TUBE1: variants seen among roughly 807,000 people sequenced by gnomAD.
The protein encoded by TUBE1 is tubulin epsilon 1.
A neutral mutation model predicts 53.5 loss-of-function variants in TUBE1; 34 were observed. The observed-to-expected ratio is 0.64, with a 90% confidence interval of 0.48 to 0.85. TUBE1 has a LOEUF of 0.85. Ranked by LOEUF, TUBE1 falls within the 40% of genes least tolerant of loss-of-function variation. TUBE1 has a pLI of 0.00. For missense variants in TUBE1, 532 were observed against 570.5 expected, an observed-to-expected ratio of 0.93 and a Z score of 0.69; for synonymous variants, 177 against 198.4, an observed-to-expected ratio of 0.89 and a Z score of 0.91.
intron 2 of TUBE1, 77 bp from the exon 3 acceptor site, chr6:112,086,685 A>C (rs782002051): frequency 1.1e-6 from 1 of 943,684 alleles, no homozygotes; most frequent in Non-Finnish European, 1.7e-6. Context: ...TTTTAATTAC[A>C]TAATACTGTA....
chr6:112,074,656 T>C (rs1776924756), intron 9 of TUBE1, 54 bp downstream of exon 9: 3 of 1,340,256 alleles, frequency 2.2e-6, no homozygotes, highest in Non-Finnish European at 2.9e-6. Flanking sequence ...CTCTTAAAAA[T>C]GTTTTTTAAA....
chr6:112,082,361 T>C (rs1777084426), intron 4 of TUBE1, among the ~76,000 whole-genome samples: 1 of 152,156 alleles, frequency 6.6e-6, no homozygotes, highest in Non-Finnish European at 1.5e-5. Context: ...GACTTCACTG[T>C]ATGGGCAAAT....
chr6:112,087,064 T>C (rs1777173027), intron 2 of TUBE1, 169 bp downstream of exon 2: 2 of 639,120 alleles, frequency 3.1e-6, no homozygotes, highest in East Asian at 5.6e-5. Context: ...AGTGTTCTTT[T>C]AGTTTAGTGT....
chr6:112,075,922 C>T lies in TUBE1; in HGVS notation c.812+15G>A. On this transcript the variant is annotated intron_variant, in intron 8 of 11. Transcript: ENST00000368662. The stretch of plus-strand genomic sequence containing the variant: ...AGCACAATAAAGTTTTTTGACTATC[C>T]CTGGATAGAATTACCTCGTTAGGTT... 2 of 1,583,314 alleles carry T rather than the reference C, an allele frequency of 1.3e-6. No individual in the cohort carries two copies. Among genetic ancestry groups the T allele is most frequent in the Non-Finnish European group, 1.7e-6 (2 of 1,163,476 alleles).
intron 6 of TUBE1, chr6:112,077,418 A>C (rs1268082006): frequency 6.6e-6 from 1 of 152,220 alleles, no homozygotes; most frequent in Non-Finnish European, 1.5e-5. Context: ...GATGTTTTTC[A>C]AACTGGGTTC....
At chr6:112,071,654 TA>T (rs1583590687) in intron 11 of TUBE1, 84 bp from the exon 12 acceptor site, 4 of 1,191,652 alleles carry the variant, frequency 3.4e-6, no homozygotes. Context: ...TATTCCTTAT[TA>T]AAATTAGAGT....
rs782450521 is a variant in TUBE1 at position 112,074,702 on chromosome 6, C to T, written c.953+8G>A. ...GCCTCAAAAAATTGAAACAAAGTTA[C>T]ACCTTACCTTCTAGGAGGAATGTTA... On this transcript the variant is annotated splice_region_variant and intron_variant, in intron 9 of 11. Coordinates refer to ENST00000368662, the MANE Select transcript of TUBE1 (RefSeq NM_016262.5). The T allele has an allele frequency of 1.3e-6, 2 of 1,490,508 alleles. No homozygotes were observed. The highest frequency in any genetic ancestry group is 2.9e-5 in the South Asian group (2 of 69,870). The allele number at this position is 1,490,508 out of a possible 1,614,324, so 92.3% of individuals were successfully genotyped here.
chr6:112,084,419 A>G (rs1554317105), intron 3 of TUBE1, among the ~76,000 whole-genome samples, 173 bp from the exon 4 acceptor site: 2 of 152,230 alleles, frequency 1.3e-5, no homozygotes, highest in Non-Finnish European at 2.9e-5. Context: ...TTAGGCTGAA[A>G]AAGTGAGGTA....
At chr6:112,072,932 A>G in intron 9 of TUBE1, 34 bp from the exon 10 acceptor site, 2 of 1,605,878 alleles carry the variant, frequency 1.2e-6, no homozygotes, top group South Asian at 2.2e-5. Flanking sequence ...TTTATACAAA[A>G]TATTACTTCT....
At position 112,071,377 on chromosome 6, in the gene TUBE1, G is replaced by A. The variant is rs199771192; in HGVS notation, c.*35C>T. 5.1e-5 allele frequency: 74 copies of A among 1,441,206 alleles called. No homozygotes were observed. Among genetic ancestry groups the A allele is most frequent in the Non-Finnish European group, 6.5e-5 (70 of 1,082,130 alleles). 89.3% of individuals were successfully genotyped at this position (1,441,206 alleles called of 1,614,324 possible). On this transcript the variant is annotated 3_prime_UTR_variant, in exon 12 of 12. Coordinates refer to ENST00000368662, the MANE Select transcript of TUBE1 (RefSeq NM_016262.5). ...AAACAGAAAGGTCAGAAAAAACAAT[G>A]TGAAATTAAGAAAGTATTTTTGAGG...
chr6:112,072,832 GTGTT>G lies in TUBE1; in HGVS notation c.1016_1019del (p.Lys339ThrfsTer27). On this transcript the variant is annotated frameshift_variant, in exon 10 of 12. Transcript: ENST00000368662. LOFTEE classifies it high-confidence loss of function. The stretch of plus-strand genomic sequence containing the variant: ...TGAGTGCACAGGCGAGGTAAAGACT[GTGTT>G]TGGGGTCTGCCCGAAGCAGCTGGTG... The G allele has an allele frequency of 6.2e-7, 1 of 1,613,688 alleles. No homozygotes were observed. Among genetic ancestry groups the G allele is most frequent in the Non-Finnish European group, 8.5e-7 (1 of 1,179,744 alleles).
rs782762294 is a variant in TUBE1 at position 112,087,297 on chromosome 6, C to T, written c.35G>A (p.Cys12Tyr). 5 of 1,552,608 alleles carry T rather than the reference C, an allele frequency of 3.2e-6. No individual in the cohort carries two copies. The South Asian group carries it at 5.9e-5, about 18-fold the overall frequency. Residue 12 changes from cysteine (C) to tyrosine (Y), a missense_variant, in exon 2 of 12, where the codon TGC becomes TAC. Physicochemically the swap from Cys to Tyr is radical, Grantham distance 194. Coordinates refer to ENST00000368662, the MANE Select transcript of TUBE1 (RefSeq NM_016262.5). ...TQSVVVQVGQ[C>Y]GNQIGCCFWD... ...GAAGCAGCAGCCGATCTGGTTTCCG[C>T]ACTGGCCGACTGCGACCGGAGGAGA...
intron 6 of TUBE1, 68 bp from the exon 7 acceptor site, chr6:112,076,577 C>CT: frequency 7.1e-7 from 1 of 1,417,344 alleles, no homozygotes; most frequent in South Asian, 1.5e-5. Context: ...GAATTTGAAA[C>CT]TTTATTTTTT....
chr6:112,072,844 T>TG lies in TUBE1; in HGVS notation c.1007dup (p.Asp337ArgfsTer15). Reference sequence around the variant, plus strand: ...CGAGGTAAAGACTGTGTTTGGGGTCTGCCCGAAGCAGCTGGTGATCTTTAC... The same window carrying TG: ...CGAGGTAAAGACTGTGTTTGGGGTCTGGCCCGAAGCAGCTGGTGATCTTTAC... On this transcript the variant is annotated frameshift_variant, in exon 10 of 12. Transcript: ENST00000368662. LOFTEE classifies it high-confidence loss of function. 1 of 1,613,712 alleles carries TG rather than the reference T, an allele frequency of 6.2e-7. No individual in the cohort carries two copies. The highest frequency in any genetic ancestry group is 8.5e-7 in the Non-Finnish European group (1 of 1,179,758).
In TUBE1 at chr6:112,071,593, A is replaced by T; in HGVS notation, c.1270-23T>A. ...AGCCTATAAATTAAAAAATTAGGTAACGTTTACCATTTCAGGAACTTTAAT... is the reference window on the plus strand; with the variant it reads ...AGCCTATAAATTAAAAAATTAGGTATCGTTTACCATTTCAGGAACTTTAAT... On this transcript the variant is annotated intron_variant, in intron 11 of 11. Transcript: ENST00000368662. 3 of 1,560,944 alleles carry T rather than the reference A, an allele frequency of 1.9e-6. No homozygotes were observed. The South Asian group carries it at 3.6e-5, about 19-fold the overall frequency.
Position 112,075,819 on chromosome 6 carries a change from CAAAAT to C in TUBE1, c.812+113_812+117del. On this transcript the variant is annotated intron_variant, in intron 8 of 11. Transcript: ENST00000368662. ...GATCACTCCAAGAAAAGATAGAAGA[CAAAAT>C]AAAAACAGAAGCAGCTTCTACAATT... The C allele has an allele frequency of 3.1e-6, 3 of 956,486 alleles. No homozygotes were observed. In the South Asian group the frequency reaches 5.8e-5, roughly 18 times the overall value. 59.2% of individuals were successfully genotyped at this position (956,486 alleles called of 1,614,324 possible).
At chr6:112,073,237 G>A (rs1776900479) in intron 9 of TUBE1, among the ~76,000 whole-genome samples, 1 of 151,736 alleles carries the variant, frequency 6.6e-6, no homozygotes, top group Non-Finnish European at 1.5e-5. Flanking sequence ...TACTTAGTTC[G>A]GTATACCTTA....
chr6:112,079,650 A>G lies in TUBE1; in HGVS notation c.431T>C (p.Ile144Thr), dbSNP rs782551836. The change falls in exon 6 of 12, where the codon ATA (isoleucine) becomes ACA (threonine). Residue 144 changes from isoleucine (I) to threonine (T), a missense_variant. By Grantham distance (89) the Ile-to-Thr change is moderately conservative. Coordinates refer to ENST00000368662, the MANE Select transcript of TUBE1 (RefSeq NM_016262.5). ...AATTTTACCTCCTCCCATGGAATGT[A>G]TTATAAAGAAACACTGCAAGCAATC... ...HCDCLQCFFIIHSMGGGTGSG... is the reference protein window; with the variant it reads ...HCDCLQCFFITHSMGGGTGSG... 8.1e-6 allele frequency: 13 copies of G among 1,612,366 alleles called. No individual in the cohort carries two copies. The highest frequency in any genetic ancestry group is 1.1e-5 in the Non-Finnish European group (13 of 1,179,178).
In TUBE1 at chr6:112,072,096, T is replaced by C; in HGVS notation, c.1095-20A>G. 1 of 1,535,752 alleles carries C rather than the reference T, an allele frequency of 6.5e-7. No individual in the cohort carries two copies. Among genetic ancestry groups the C allele is most frequent in the Non-Finnish European group, 8.8e-7 (1 of 1,139,524 alleles). On this transcript the variant is annotated intron_variant, in intron 10 of 11. Coordinates refer to ENST00000368662, the MANE Select transcript of TUBE1 (RefSeq NM_016262.5). ...TTTAATCTGAGATTAAAAAAAAAAATCTCAGAAGGTGAGAACTAAGGTACT... is the reference window on the plus strand; with the variant it reads ...TTTAATCTGAGATTAAAAAAAAAAACCTCAGAAGGTGAGAACTAAGGTACT...
Sources: allele counts gnomAD v4.1 joint callset (sites outside exome capture counted in the v4.1 genomes callset), GRCh38; gene constraint gnomAD v4.1.1; transcripts MANE v1.5; gene names NCBI Gene and HGNC (gene_info 2026-07-23, HGNC 2026-07-21).